The following ATG2B variants were observed in gnomAD, a reference collection of about 807,000 sequenced individuals.
ATG2B encodes the protein autophagy-related protein 2 homolog B.
In ATG2B, 121 loss-of-function variants were observed where a neutral mutation model predicts 241.3. That is an observed-to-expected ratio of 0.50 (90% CI 0.43 to 0.58). The LOEUF (loss-of-function observed/expected upper bound fraction) is 0.58, where lower values mean the gene tolerates loss of function less well. Ranked by LOEUF, ATG2B falls within the 20% of genes least tolerant of loss-of-function variation. ATG2B has a pLI of 0.00. For missense variants in ATG2B, 2,306 were observed against 2,491.6 expected, an observed-to-expected ratio of 0.93 and a Z score of 1.59; for synonymous variants, 858 against 876.6, an observed-to-expected ratio of 0.98 and a Z score of 0.37.
At chr14:96,293,510 GA>G (rs1294094595) in intron 36 of ATG2B, among the ~76,000 whole-genome samples, 1 of 152,186 alleles carries the variant, frequency 6.6e-6, no homozygotes, top group Non-Finnish European at 1.5e-5. Context: ...TTTGTAAAAT[GA>G]ATAAATGTTT....
intron 6 of ATG2B, among the ~76,000 whole-genome samples, chr14:96,336,556 T>C (rs1422589276): frequency 6.6e-6 from 1 of 152,220 alleles, no homozygotes; most frequent in African/African-American, 2.4e-5. Flanking sequence ...TACAAATGTA[T>C]ACATAATGTT....
Position 96,315,151 on chromosome 14 carries a change from T to C in ATG2B, c.3642+3A>G. ...ATTAATACATATATAACAGCTCTCT[T>C]ACCTGCTCATGCCAGCTAAGCCCAG... is the stretch of plus-strand genomic sequence containing the variant. On this transcript the variant is annotated splice_donor_region_variant and intron_variant, in intron 23 of 41. Coordinates refer to ENST00000359933, the MANE Select transcript of ATG2B (RefSeq NM_018036.7). 3 of 1,612,536 alleles carry C rather than the reference T, an allele frequency of 1.9e-6. No individual in the cohort carries two copies. Among genetic ancestry groups the C allele is most frequent in the South Asian group, 1.1e-5 (1 of 91,046 alleles).
rs1485474024 is a variant in ATG2B, at chr14:96,281,163, A to G, written c.*4592T>C. On this transcript the variant is annotated 3_prime_UTR_variant, in exon 42 of 42. Transcript: ENST00000359933. ...GGCACTGGAACATCATTTCCCAATAACAAGGTCTGAGGCAGATGTACACCC... is the reference window on the plus strand; with the variant it reads ...GGCACTGGAACATCATTTCCCAATAGCAAGGTCTGAGGCAGATGTACACCC... 6.6e-6 allele frequency: 1 copy of G among 152,118 alleles called. No individual in the cohort carries two copies. Among genetic ancestry groups the G allele is most frequent in the Non-Finnish European group, 1.5e-5 (1 of 68,036 alleles). The allele number at this position is 152,118 out of a possible 1,614,324, so 9.4% of individuals were successfully genotyped here.
Position 96,363,233 on chromosome 14 carries a change from GGAGA to G in ATG2B, c.-261_-258del. On this transcript the variant is annotated 5_prime_UTR_variant, in exon 1 of 42. It removes the in-frame stop codon of an upstream open reading frame in the 5' UTR. Transcript: ENST00000359933. ...TTCCGAGGAGGGTCCCAACCGGCTC[GGAGA>G]GAGTGCAAGAGAGCGCGAGAGGAGG... 4.3e-6 allele frequency: 2 copies of G among 460,494 alleles called. No individual in the cohort carries two copies. Among genetic ancestry groups the G allele is most frequent in the Non-Finnish European group, 7.8e-6 (2 of 256,086 alleles). 28.5% of individuals were successfully genotyped at this position (460,494 alleles called of 1,614,324 possible).
intron 3 of ATG2B, 28 bp from the exon 4 acceptor site, chr14:96,344,784 A>G: frequency 9.3e-7 from 1 of 1,073,720 alleles, no homozygotes; most frequent in South Asian, 1.5e-5. Context: ...TTGTCAACGT[A>G]AGAGACCACA....
At position 96,362,934 on chromosome 14, in the gene ATG2B, G is replaced by C; in HGVS notation, c.43C>G (p.Arg15Gly). The change falls in exon 1 of 42, where the codon CGG becomes GGG. Residue 15 changes from arginine to glycine, a missense_variant. By Grantham distance (125) the Arg-to-Gly change is moderately radical. Coordinates refer to ENST00000359933, the MANE Select transcript of ATG2B (RefSeq NM_018036.7). ...FSESIKKRAC[R>G]YLLQRYLGHF... is the part of the protein sequence containing the mutation. ...CCCAGGTACCTCTGCAGGAGGTACC[G>C]GCAGGCCCTCTTCTTGATGGACTCC... 2 of 1,613,516 alleles carry C rather than the reference G, an allele frequency of 1.2e-6. No homozygotes were observed. The highest frequency in any genetic ancestry group is 1.7e-6 in the Non-Finnish European group (2 of 1,179,880).
intron 38 of ATG2B, 69 bp downstream of exon 38, chr14:96,291,529 TCA>T: frequency 4.3e-6 from 5 of 1,167,804 alleles, no homozygotes; most frequent in South Asian, 2.9e-5. Context: ...CTAAGAAAAC[TCA>T]GTTTTTAAAT....
intron 1 of ATG2B, among the ~76,000 whole-genome samples, chr14:96,358,772 TA>T (rs1439369228): frequency 6.6e-6 from 1 of 150,642 alleles, no homozygotes; most frequent in Non-Finnish European, 1.5e-5. Flanking sequence ...TTTTTTTTTT[TA>T]GTCACCACTA....
At chr14:96,326,892 C>T (rs1297030209) in intron 14 of ATG2B, among the ~76,000 whole-genome samples, 2 of 152,166 alleles carry the variant, frequency 1.3e-5, no homozygotes, top group African/African-American at 4.8e-5. Context: ...TATTCTAACT[C>T]TCCCCATTTG....
intron 25 of ATG2B, 25 bp downstream of exon 25, chr14:96,313,040 T>C (rs771400160): frequency 1.4e-6 from 2 of 1,412,088 alleles, no homozygotes; most frequent in South Asian, 2.3e-5. Context: ...CTTTGTTTAG[T>C]ATACAATGAA....
chr14:96,334,148 A>G (rs1887811645), intron 7 of ATG2B, among the ~76,000 whole-genome samples: 1 of 152,218 alleles, frequency 6.6e-6, no homozygotes, highest in African/African-American at 2.4e-5. Context: ...TGTATGAAGT[A>G]CTATCCCCAA....
rs1887527479 is a variant in ATG2B at position 96,324,015 on chromosome 14, ATT to A, written c.2438-19_2438-18del. ...GGAACGATCCTAAAAAAAAAGACTG[ATT>A]TACTGAAATGTGCTTCTTCTCAAGT... is the stretch of plus-strand genomic sequence containing the variant. On this transcript the variant is annotated intron_variant, in intron 15 of 41. Transcript: ENST00000359933. The A allele has an allele frequency of 6.6e-7, 1 of 1,511,090 alleles. No individual in the cohort carries two copies. The highest frequency in any genetic ancestry group is 1.4e-5 in the African/African-American group (1 of 71,320). The allele number at this position is 1,511,090 out of a possible 1,614,324, so 93.6% of individuals were successfully genotyped here.
At chr14:96,307,703 G>T (rs542883570) in intron 29 of ATG2B, among the ~76,000 whole-genome samples, 2 of 152,024 alleles carry the variant, frequency 1.3e-5, no homozygotes, top group South Asian at 2.1e-4. Context: ...GGGGAGGGAA[G>T]AATAGCTGTT....
intron 14 of ATG2B, among the ~76,000 whole-genome samples, chr14:96,326,920 C>T (rs557999946): frequency 2.0e-5 from 3 of 152,260 alleles, no homozygotes; most frequent in African/African-American, 7.2e-5. Flanking sequence ...AATATTTAAC[C>T]ACCACTCTCA....
At chr14:96,326,896 C>T (rs971936815) in intron 14 of ATG2B, among the ~76,000 whole-genome samples, 18 of 152,090 alleles carry the variant, frequency 1.2e-4, no homozygotes, top group African/African-American at 4.1e-4. Context: ...CTAACTCTCC[C>T]CATTTGATTT....
chr14:96,301,191 A>G (rs1344548537), intron 34 of ATG2B, among the ~76,000 whole-genome samples: 2 of 152,174 alleles, frequency 1.3e-5, no homozygotes, highest in Admixed American at 1.3e-4. Context: ...TCACACACTG[A>G]TTTATTTAAT....
Position 96,302,079 on chromosome 14 carries a change from T to G in ATG2B, c.5067A>C (p.Pro1689=). ...ACTCCTGTGGGGACCTGCCAGATTC[T>G]GGACACACGTGTAAGGCTTTCACTG... is the stretch of plus-strand genomic sequence containing the variant. The part of the protein sequence containing the change: ...MLTVKALHVC[P]ESGRSPQECC... The change falls in exon 34 of 42, where the codon CCA becomes CCC. Residue 1689 remains proline (P), a synonymous_variant. Transcript: ENST00000359933. 6.2e-7 allele frequency: 1 copy of G among 1,614,018 alleles called. No individual in the cohort carries two copies. The highest frequency in any genetic ancestry group is 8.5e-7 in the Non-Finnish European group (1 of 1,179,902).
chr14:96,333,520 G>A (rs748579236), intron 8 of ATG2B, among the ~76,000 whole-genome samples, 168 bp downstream of exon 8: 1 of 152,150 alleles, frequency 6.6e-6, no homozygotes, highest in Non-Finnish European at 1.5e-5. Context: ...GTGCATTACT[G>A]TAATGTTGTG....
chr14:96,298,458 T>C (rs766232250), intron 34 of ATG2B, among the ~76,000 whole-genome samples: 49 of 152,224 alleles, frequency 3.2e-4, no homozygotes, highest in Admixed American at 2.0e-4. Flanking sequence ...TGAAAACGTA[T>C]GCCCATAAAA....
Sources: allele counts gnomAD v4.1 joint callset (sites outside exome capture counted in the v4.1 genomes callset), GRCh38; gene constraint gnomAD v4.1.1; transcripts MANE v1.5; gene names NCBI Gene and HGNC (gene_info 2026-07-23, HGNC 2026-07-21).